GRIN2B: variants seen among roughly 807,000 people sequenced by gnomAD.
GRIN2B encodes glutamate ionotropic receptor NMDA type subunit 2B.
A neutral mutation model predicts 114.5 loss-of-function variants in GRIN2B; 5 were observed. The observed-to-expected ratio is 0.04, with a 90% confidence interval of 0.02 to 0.09. The LOEUF (loss-of-function observed/expected upper bound fraction) is 0.09, where lower values mean the gene tolerates loss of function less well. Among genes scored for constraint, GRIN2B ranks in the 10% least tolerant of loss-of-function variants. The probability of loss-of-function intolerance (pLI) is 1.00; values close to 1 mark genes in which losing one functional copy is unlikely to be tolerated. For missense variants in GRIN2B, 1,108 were observed against 1,943.5 expected, an observed-to-expected ratio of 0.57 and a Z score of 8.08; for synonymous variants, 787 against 745.1, an observed-to-expected ratio of 1.06 and a Z score of -0.92.
chr12:13,969,885 C>T (rs1397659462), intron 2 of GRIN2B, among the ~76,000 whole-genome samples: 1 of 152,182 alleles, frequency 6.6e-6, no homozygotes, highest in East Asian at 1.9e-4. Context: ...CCCATTTATT[C>T]CAGACAGTCC....
chr12:13,710,984 A>C (rs1000432737), intron 4 of GRIN2B, among the ~76,000 whole-genome samples: 8 of 152,146 alleles, frequency 5.3e-5, no homozygotes, highest in Non-Finnish European at 1.2e-4. Context: ...ACTATACTAC[A>C]AGGCCACAGT....
At chr12:13,768,481 G>A (rs1467549150) in intron 3 of GRIN2B, among the ~76,000 whole-genome samples, 1 of 152,172 alleles carries the variant, frequency 6.6e-6, no homozygotes, top group Non-Finnish European at 1.5e-5. Flanking sequence ...GGATAGCAGG[G>A]GATGCCTGCA....
At chr12:13,632,480 G>A (rs1184833712) in intron 5 of GRIN2B, among the ~76,000 whole-genome samples, 1 of 152,184 alleles carries the variant, frequency 6.6e-6, no homozygotes, top group East Asian at 1.9e-4. Flanking sequence ...TCCAGGAATG[G>A]GTTCCCCCAC....
In GRIN2B at chr12:13,556,504, T is replaced by G. The variant is rs904123733; in HGVS notation, c.*6279A>C. The G allele has an allele frequency of 2.6e-5, 4 of 152,146 alleles. No individual in the cohort carries two copies. The highest frequency in any genetic ancestry group is 9.7e-5 in the African/African-American group (4 of 41,448). The allele number at this position is 152,146 out of a possible 1,614,324, so 9.4% of individuals were successfully genotyped here. ...TTTAACCAGAGAGCTTTTATTTTTT[T>G]CTCCTGCATAGTACTAGAATCTGCT... On this transcript the variant is annotated 3_prime_UTR_variant, in exon 14 of 14. Coordinates refer to ENST00000609686, the MANE Select transcript of GRIN2B (RefSeq NM_000834.5).
intron 11 of GRIN2B, among the ~76,000 whole-genome samples, chr12:13,570,423 G>A (rs974510920): frequency 2.0e-5 from 3 of 152,212 alleles, no homozygotes; most frequent in African/African-American, 7.2e-5. Flanking sequence ...ACAGTCTGGA[G>A]TGGGGATAAG....
chr12:13,732,551 C>T (rs571153587), intron 4 of GRIN2B, among the ~76,000 whole-genome samples: 3 of 152,322 alleles, frequency 2.0e-5, no homozygotes, highest in African/African-American at 7.2e-5. Flanking sequence ...CAATATCCCT[C>T]TACTATAGCA....
At chr12:13,977,204 C>G (rs1863036484) in intron 2 of GRIN2B, 1 of 152,216 alleles carries the variant, frequency 6.6e-6, no homozygotes, top group Non-Finnish European at 1.5e-5. Flanking sequence ...TCTCTGCCTG[C>G]GTCCATCCCT....
At chr12:13,601,595 A>G (rs1158843949) in intron 10 of GRIN2B, among the ~76,000 whole-genome samples, 1 of 151,856 alleles carries the variant, frequency 6.6e-6, no homozygotes, top group Non-Finnish European at 1.5e-5. Context: ...TTGGGAGGAT[A>G]CAATTCAACC....
At chr12:13,738,227 T>C (rs1239629447) in intron 4 of GRIN2B, among the ~76,000 whole-genome samples, 1 of 152,210 alleles carries the variant, frequency 6.6e-6, no homozygotes, top group Non-Finnish European at 1.5e-5. Context: ...ATAATAACAG[T>C]GTAGTAATAC....
In GRIN2B at chr12:13,865,885, G is replaced by A. The variant is rs773282360; in HGVS notation, c.324C>T (p.Ile108=). Residue 108 remains isoleucine (I), a synonymous_variant, in exon 3 of 14, where the codon ATC becomes ATT. Coordinates refer to ENST00000609686, the MANE Select transcript of GRIN2B (RefSeq NM_000834.5). ...CTGAAATGAAATCGAGGATCTGGGC[G>A]ATGGCTTCCTGGTCTGTGTCATCAG... The part of the protein sequence containing the change: ...VFADDTDQEA[I]AQILDFISAQ... 5.0e-6 allele frequency: 8 copies of A among 1,613,924 alleles called. No homozygotes were observed. Among genetic ancestry groups the A allele is most frequent in the Non-Finnish European group, 6.8e-6 (8 of 1,179,928 alleles).
intron 10 of GRIN2B, among the ~76,000 whole-genome samples, chr12:13,598,152 A>G (rs1414020919): frequency 6.6e-6 from 1 of 152,214 alleles, no homozygotes; most frequent in African/African-American, 2.4e-5. Flanking sequence ...CCTCCTTGCC[A>G]GGCAAGTTCT....
chr12:13,888,275 C>A (rs1866199032), intron 2 of GRIN2B, among the ~76,000 whole-genome samples: 1 of 152,152 alleles, frequency 6.6e-6, no homozygotes, highest in Non-Finnish European at 1.5e-5. Flanking sequence ...GCTTACTACA[C>A]ACCTAGGCTC....
At position 13,801,050 on chromosome 12, in the gene GRIN2B, C is replaced by T. The variant is rs773500268; in HGVS notation, c.412-47135G>A. The stretch of plus-strand genomic sequence containing the variant: ...GTTTCTGGTTGAATGCCTAATACGC[C>T]GGAGATTTATAAAACTGTCTGTCCC... On this transcript the variant is annotated intron_variant, in intron 3 of 13. Coordinates refer to ENST00000609686, the MANE Select transcript of GRIN2B (RefSeq NM_000834.5). Among the ~76,000 whole-genome samples, 10 of 152,000 alleles carry T rather than the reference C, an allele frequency of 6.6e-5. 1 individual carries two copies. The highest frequency in any genetic ancestry group is 1.4e-4 in the African/African-American group (6 of 41,380).
chr12:13,898,548 G>A lies in GRIN2B; in HGVS notation c.-18-32322C>T, dbSNP rs148640796. Among the ~76,000 whole-genome samples the A allele has an allele frequency of 9.1e-4, 139 of 152,312 alleles. 1 individual carries two copies. In the East Asian group the frequency reaches 0.023, roughly 25 times the overall value. On this transcript the variant is annotated intron_variant, in intron 2 of 13. Transcript: ENST00000609686. The stretch of plus-strand genomic sequence containing the variant: ...TTGCTGGATGTGGGAGAATGCAAGA[G>A]GAAGAACACAAGTGTGGTTCTTCCT...
intron 2 of GRIN2B, among the ~76,000 whole-genome samples, chr12:13,939,245 C>A (rs1867188831): frequency 6.6e-6 from 1 of 152,148 alleles, no homozygotes; most frequent in African/African-American, 2.4e-5. Flanking sequence ...GGATGTTTAT[C>A]CCTTCCAAAT....
At chr12:13,806,667 T>A (rs1394756341) in intron 3 of GRIN2B, among the ~76,000 whole-genome samples, 1 of 152,116 alleles carries the variant, frequency 6.6e-6, no homozygotes, top group Non-Finnish European at 1.5e-5. Flanking sequence ...ATTCTGTAGG[T>A]TTGTCTCTTC....
At chr12:13,838,980 G>A (rs12319253) in intron 3 of GRIN2B, among the ~76,000 whole-genome samples, 23,917 of 152,182 alleles carry the variant, frequency 0.16, 2,427 homozygotes, top group Non-Finnish European at 0.22. Context: ...TCAGATAGCA[G>A]TCATTTAGCA....
At chr12:13,981,818 G>C (rs1238865930), upstream of GRIN2B, 5 of 152,784 alleles carry the variant, frequency 3.3e-5, no homozygotes, top group Admixed American at 3.3e-4. Flanking sequence ...CCGGGGACGG[G>C]GGGAGGCGCG....
At chr12:13,916,148 A>G (rs1209667667) in intron 2 of GRIN2B, among the ~76,000 whole-genome samples, 1 of 152,088 alleles carries the variant, frequency 6.6e-6, no homozygotes, top group Non-Finnish European at 1.5e-5. Context: ...AGGCTGGGGG[A>G]CTTTTTGAAA....
Sources: gnomAD v4.1 joint callset for allele counts (sites outside exome capture counted in the v4.1 genomes callset) on GRCh38, gnomAD v4.1.1 for gene constraint, MANE v1.5 for transcripts, NCBI Gene and HGNC (gene_info 2026-07-23, HGNC 2026-07-21) for gene names.